NRXN3: variants seen among roughly 807,000 people sequenced by gnomAD.
The protein encoded by NRXN3 is neurexin III.
In NRXN3, 32 loss-of-function variants were observed where a neutral mutation model predicts 137.6. The ratio of observed to expected loss-of-function variants is 0.23; its 90% CI spans 0.18 to 0.31. NRXN3 has a LOEUF of 0.31. Among genes scored for constraint, NRXN3 ranks in the 10% least tolerant of loss-of-function variants. The pLI is 1.00. For missense variants in NRXN3, 1,574 were observed against 2,062.5 expected (o/e 0.76, Z 4.59); for synonymous variants, 798 against 784.5 (o/e 1.02, Z -0.29).
chr14:79,620,172 T>C (rs1049252167), intron 16 of NRXN3, among the ~76,000 whole-genome samples: 1 of 152,038 alleles, frequency 6.6e-6, no homozygotes, highest in African/African-American at 2.4e-5. Context: ...CAGAAAGAAA[T>C]CAGATAGTAC....
chr14:79,367,825 T>C (rs192362107), intron 15 of NRXN3, among the ~76,000 whole-genome samples: 12 of 152,270 alleles, frequency 7.9e-5, no homozygotes, highest in African/African-American at 2.9e-4. Flanking sequence ...CATTTGATGG[T>C]TTAAACTGTG....
intron 1 of NRXN3, among the ~76,000 whole-genome samples, chr14:78,191,027 C>T (rs764252519): frequency 3.9e-5 from 6 of 152,086 alleles, no homozygotes; most frequent in Admixed American, 6.6e-5. Context: ...ACCAGGTAAG[C>T]GTCCTACATA....
At chr14:78,994,605 A>G (rs1184550366) in intron 15 of NRXN3, among the ~76,000 whole-genome samples, 2 of 152,186 alleles carry the variant, frequency 1.3e-5, no homozygotes, top group African/African-American at 4.8e-5. Context: ...TTGATTTGTA[A>G]TGTGTATAAC....
chr14:79,013,030 T>G (rs1040945909), intron 15 of NRXN3, among the ~76,000 whole-genome samples: 5 of 152,158 alleles, frequency 3.3e-5, no homozygotes, highest in Non-Finnish European at 1.5e-5. Flanking sequence ...TTGAAGGTGG[T>G]AGCGAAACAC....
At chr14:78,819,814 G>A (rs767134530) in intron 10 of NRXN3, among the ~76,000 whole-genome samples, 1 of 152,160 alleles carries the variant, frequency 6.6e-6, no homozygotes, top group Non-Finnish European at 1.5e-5. Context: ...CAACCAATCA[G>A]AAGCAGCCAA....
chr14:78,609,864 G>A (rs1219905993), intron 4 of NRXN3, among the ~76,000 whole-genome samples: 1 of 152,088 alleles, frequency 6.6e-6, no homozygotes, highest in African/African-American at 2.4e-5. Context: ...ATCTCCTTCT[G>A]ATACCTGGCA....
chr14:79,793,884 C>T (rs1022264943), intron 19 of NRXN3, among the ~76,000 whole-genome samples: 3 of 152,116 alleles, frequency 2.0e-5, no homozygotes, highest in African/African-American at 7.2e-5. Context: ...TGTCATAGCC[C>T]ATATATGCAT....
intron 15 of NRXN3, among the ~76,000 whole-genome samples, chr14:79,069,093 G>A (rs2099684259): frequency 6.6e-6 from 1 of 151,996 alleles, no homozygotes; most frequent in Admixed American, 6.6e-5. Context: ...TTCTCTCCAG[G>A]GCATTGAGTT....
At chr14:79,730,144 G>A (rs959507008) in intron 19 of NRXN3, among the ~76,000 whole-genome samples, 1 of 152,118 alleles carries the variant, frequency 6.6e-6, no homozygotes, top group Non-Finnish European at 1.5e-5. Flanking sequence ...ATAGGGAAGG[G>A]CTTCTCTTCT....
At chr14:78,686,238 A>G (rs1404674921) in intron 6 of NRXN3, among the ~76,000 whole-genome samples, 1 of 152,150 alleles carries the variant, frequency 6.6e-6, no homozygotes, top group Non-Finnish European at 1.5e-5. Flanking sequence ...TTCCACATTT[A>G]TTTGCCTAAT....
chr14:78,252,157 C>CTTT (rs75377107), intron 2 of NRXN3, among the ~76,000 whole-genome samples: 1 of 143,988 alleles, frequency 6.9e-6, no homozygotes, highest in Non-Finnish European at 1.5e-5. Flanking sequence ...AAGTTTTTTT[C>CTTT]TTTTTTTTTT....
At chr14:79,600,562 A>G (rs904101268) in intron 16 of NRXN3, among the ~76,000 whole-genome samples, 1 of 152,228 alleles carries the variant, frequency 6.6e-6, no homozygotes, top group African/African-American at 2.4e-5. Context: ...GAAAGGAAGT[A>G]GCATAAGGTG....
intron 3 of NRXN3, among the ~76,000 whole-genome samples, chr14:78,296,336 G>A (rs1450771870): frequency 1.3e-5 from 2 of 152,104 alleles, no homozygotes; most frequent in African/African-American, 4.8e-5. Context: ...AAAGTGCTAG[G>A]ATTACAGGTG....
chr14:78,759,493 T>A, intron 8 of NRXN3, among the ~76,000 whole-genome samples: 1 of 152,198 alleles, frequency 6.6e-6, no homozygotes. Flanking sequence ...TACATAAATA[T>A]ATCGCTGAGT....
At chr14:78,560,969 T>G (rs2096780903) in intron 4 of NRXN3, among the ~76,000 whole-genome samples, 1 of 152,228 alleles carries the variant, frequency 6.6e-6, no homozygotes, top group Non-Finnish European at 1.5e-5. Flanking sequence ...ATGGTGATTG[T>G]ATTAGTCAGG....
intron 2 of NRXN3, among the ~76,000 whole-genome samples, chr14:78,266,689 A>G (rs1404577175): frequency 1.3e-5 from 2 of 152,206 alleles, no homozygotes; most frequent in African/African-American, 4.8e-5. Context: ...TTGAGCCTTC[A>G]GAATGGGACT....
chr14:79,809,182 A>G (rs899496890), intron 20 of NRXN3, among the ~76,000 whole-genome samples: 1 of 152,240 alleles, frequency 6.6e-6, no homozygotes, highest in Admixed American at 6.5e-5. Flanking sequence ...AATTAAACCT[A>G]TTGACTCATT....
intron 10 of NRXN3, among the ~76,000 whole-genome samples, chr14:78,889,166 C>G (rs2099152110): frequency 6.6e-6 from 1 of 151,958 alleles, no homozygotes; most frequent in Non-Finnish European, 1.5e-5. Flanking sequence ...TTCACATCAT[C>G]ATTCCATTTC....
At chr14:78,780,958 T>C (rs2098767078) in intron 8 of NRXN3, among the ~76,000 whole-genome samples, 1 of 152,164 alleles carries the variant, frequency 6.6e-6, no homozygotes, top group African/African-American at 2.4e-5. Flanking sequence ...TAAGGGAAAC[T>C]CTCAGGCAAT....
Sources: gnomAD v4.1 joint callset for allele counts (sites outside exome capture counted in the v4.1 genomes callset) on GRCh38, gnomAD v4.1.1 for gene constraint, MANE v1.5 for transcripts, NCBI Gene and HGNC (gene_info 2026-07-23, HGNC 2026-07-21) for gene names.